Variants in XRCC5 observed in about 807,000 individuals in gnomAD.
XRCC5 encodes X-ray repair cross complementing 5.
Under a neutral mutation model 95.7 loss-of-function variants are expected in XRCC5, and 12 were observed. The ratio of observed to expected loss-of-function variants is 0.13; its 90% confidence interval spans 0.08 to 0.20. The LOEUF is 0.20. XRCC5 is among the 10% of genes least tolerant of loss of function. The pLI is 1.00. For missense variants in XRCC5, 595 were observed against 873.9 expected, an observed-to-expected ratio of 0.68 and a Z score of 4.02; for synonymous variants, 281 against 290.3, an observed-to-expected ratio of 0.97 and a Z score of 0.33.
At position 216,205,429 on chromosome 2, in the gene XRCC5, C is replaced by T; in HGVS notation, c.*227C>T. On this transcript the variant is annotated 3_prime_UTR_variant, in exon 21 of 21. Transcript: ENST00000392132. ...GTTTATAAAGAGTCATTGTTATTTT[C>T]TGGTTGGTGTATTATTTTTTCTGTG... 3.6e-6 allele frequency: 2 copies of T among 552,556 alleles called. No homozygotes were observed. The highest frequency in any genetic ancestry group is 6.4e-6 in the Non-Finnish European group (2 of 310,586). The allele number at this position is 552,556 out of a possible 1,614,324, so 34.2% of individuals were successfully genotyped here.
At chr2:216,155,402 G>C (rs999198419) in intron 14 of XRCC5, among the ~76,000 whole-genome samples, 6 of 152,040 alleles carry the variant, frequency 3.9e-5, no homozygotes, top group African/African-American at 1.2e-4. Flanking sequence ...TGTATGAAGA[G>C]ATCTTCAATC....
At chr2:216,141,362 AAGAG>A in intron 13 of XRCC5, 43 bp downstream of exon 13, 2 of 1,611,076 alleles carry the variant, frequency 1.2e-6, no homozygotes, top group Non-Finnish European at 1.7e-6. Context: ...TTTTAAATGA[AAGAG>A]AGCTAAGTGC....
intron 16 of XRCC5, among the ~76,000 whole-genome samples, chr2:216,180,124 T>G (rs1689356116): frequency 6.6e-6 from 1 of 152,200 alleles, no homozygotes; most frequent in Non-Finnish European, 1.5e-5. Context: ...GAAAAAGGTC[T>G]GAGTTGTATG....
intron 16 of XRCC5, chr2:216,175,886 G>A: frequency 4.8e-6 from 2 of 420,462 alleles, no homozygotes; most frequent in Non-Finnish European, 9.2e-6. Context: ...CCCATCATCT[G>A]TAGTTTTAAA....
At chr2:216,199,808 ATCTTTTTTTT>A (rs1485899827) in intron 19 of XRCC5, among the ~76,000 whole-genome samples, 1 of 121,890 alleles carries the variant, frequency 8.2e-6, no homozygotes, top group East Asian at 2.6e-4. Flanking sequence ...TGGCATTGGG[ATCTTTTTTTT>A]TTTTTTTTTT....
rs1348850591 is a variant in XRCC5 at position 216,113,007 on chromosome 2, T to C, written c.22-9T>C. On this transcript the variant is annotated splice_polypyrimidine_tract_variant and intron_variant, in intron 1 of 20. Coordinates refer to ENST00000392132, the MANE Select transcript of XRCC5 (RefSeq NM_021141.4). ...TTTTCTCAAACACTCTTTGGAACTT[T>C]GTTTCCAGGCAGCTGTTGTGCTGTG... The C allele has an allele frequency of 2.5e-6, 4 of 1,607,052 alleles. No homozygotes were observed. The highest frequency in any genetic ancestry group is 3.4e-6 in the Non-Finnish European group (4 of 1,175,966).
intron 14 of XRCC5, among the ~76,000 whole-genome samples, chr2:216,150,968 G>T (rs189422923): frequency 1.3e-5 from 2 of 152,298 alleles, no homozygotes; most frequent in Admixed American, 6.5e-5. Flanking sequence ...AAGGCGATAA[G>T]AATTTTTCAG....
chr2:216,143,551 C>T (rs73058452), intron 13 of XRCC5, among the ~76,000 whole-genome samples: 8,948 of 152,030 alleles, frequency 0.059, 835 homozygotes, highest in African/African-American at 0.2. Context: ...CAAGCACGGG[C>T]TTTGATTTTT....
chr2:216,127,475 C>T lies in XRCC5; in HGVS notation c.799-61C>T. 3 of 1,533,034 alleles carry T rather than the reference C, an allele frequency of 2.0e-6. No homozygotes were observed. The South Asian group carries it at 3.9e-5, about 20-fold the overall frequency. 95.0% of individuals were successfully genotyped at this position (1,533,034 alleles called of 1,614,324 possible). On this transcript the variant is annotated intron_variant, in intron 7 of 20. Transcript: ENST00000392132. ...TGTGCCAGAGAGTGTATTAGGTTTTCATCTTCTATCAATTGGAATCCTAAC... is the reference window on the plus strand; with the variant it reads ...TGTGCCAGAGAGTGTATTAGGTTTTTATCTTCTATCAATTGGAATCCTAAC...
intron 9 of XRCC5, 76 bp downstream of exon 9, chr2:216,131,063 A>G (rs1175641895): frequency 1.4e-6 from 2 of 1,456,188 alleles, no homozygotes; most frequent in African/African-American, 2.9e-5. Context: ...TGGTCATTTT[A>G]TTTATAAGGT....
intron 17 of XRCC5, among the ~76,000 whole-genome samples, chr2:216,190,696 A>C (rs1689599200): frequency 6.6e-6 from 1 of 152,180 alleles, no homozygotes; most frequent in East Asian, 1.9e-4. Flanking sequence ...ATGGATGGGA[A>C]ATATATATTG....
chr2:216,132,289 T>C (rs56185806), intron 9 of XRCC5, 36 bp from the exon 10 acceptor site: 1 of 1,600,738 alleles, frequency 6.2e-7, no homozygotes, highest in Non-Finnish European at 8.6e-7. Context: ...ATGTTACTTA[T>C]TTTGGATCAA....
chr2:216,142,608 A>G lies in XRCC5; in HGVS notation c.1476+1289A>G, dbSNP rs568220388. On this transcript the variant is annotated intron_variant, in intron 13 of 20. Transcript: ENST00000392132. ...CCCCCACAAAACTGAAAAAAAAATTATATAAGCAGCTTTTTAAGGCAAGCT... is the reference window on the plus strand; with the variant it reads ...CCCCCACAAAACTGAAAAAAAAATTGTATAAGCAGCTTTTTAAGGCAAGCT... 2.6e-4 allele frequency among the ~76,000 whole-genome samples: 39 copies of G among 152,248 alleles called. No individual in the cohort carries two copies. In the South Asian group the frequency reaches 8.1e-3, roughly 32 times the overall value.
chr2:216,189,414 G>C (rs916037068), intron 16 of XRCC5, among the ~76,000 whole-genome samples: 2 of 152,194 alleles, frequency 1.3e-5, no homozygotes, highest in South Asian at 4.1e-4. Context: ...GTTTTGATCT[G>C]CACAGCATTA....
At chr2:216,148,608 A>C (rs753466510) in intron 14 of XRCC5, among the ~76,000 whole-genome samples, 5 of 152,162 alleles carry the variant, frequency 3.3e-5, no homozygotes, top group Non-Finnish European at 7.3e-5. Flanking sequence ...TTTAAAGTAA[A>C]GTACTGAGAA....
chr2:216,122,130 G>A lies in XRCC5; in HGVS notation c.560G>A (p.Gly187Asp). 6.2e-7 allele frequency: 1 copy of A among 1,614,126 alleles called. No homozygotes were observed. ...GGAGATGGCCCCTTTCGCTTAGGTGGCCATGGGCCTTCCTTTCCACTAAAA... is the reference window on the plus strand; with the variant it reads ...GGAGATGGCCCCTTTCGCTTAGGTGACCATGGGCCTTCCTTTCCACTAAAA... Reference protein sequence around the residue: ...DRGDGPFRLGGHGPSFPLKGI... With the variant: ...DRGDGPFRLGDHGPSFPLKGI... The change falls in exon 6 of 21, where the codon GGC (glycine) becomes GAC (aspartate). Residue 187 changes from glycine to aspartate, a missense_variant. Gly to Asp is a moderately conservative substitution (Grantham distance 94, BLOSUM62 -1). This residue lies in a region of XRCC5 where 286 missense variants were observed against 491.1 expected (regional missense o/e 0.58). Transcript: ENST00000392132.
At chr2:216,167,485 A>AT (rs887096609) in intron 16 of XRCC5, among the ~76,000 whole-genome samples, 1 of 151,338 alleles carries the variant, frequency 6.6e-6, no homozygotes, top group Non-Finnish European at 1.5e-5. Context: ...ACATTATGTG[A>AT]TTTTCTGCCA....
chr2:216,119,304 T>C, intron 5 of XRCC5, 139 bp downstream of exon 5: 1 of 868,760 alleles, frequency 1.2e-6, no homozygotes, highest in Admixed American at 2.7e-5. Context: ...GACTGACTAC[T>C]CAGCAAACAT....
intron 19 of XRCC5, 62 bp from the exon 20 acceptor site, chr2:216,204,257 ATTG>A: frequency 6.3e-7 from 1 of 1,590,242 alleles, no homozygotes; most frequent in Non-Finnish European, 8.6e-7. Flanking sequence ...ATGCTAGCAG[ATTG>A]TTCCCTCTTT....
Sources: allele counts gnomAD v4.1 joint callset (sites outside exome capture counted in the v4.1 genomes callset), GRCh38; gene constraint gnomAD v4.1.1; regional missense constraint gnomAD v4.1.1; transcripts MANE v1.5; gene names NCBI Gene and HGNC (gene_info 2026-07-23, HGNC 2026-07-21).